The following TRPM3 variants were observed in gnomAD, a reference collection of about 807,000 sequenced individuals.
TRPM3 encodes transient receptor potential cation channel subfamily M member 3, also known as long transient receptor potential channel 3.
A neutral mutation model predicts 181.2 loss-of-function variants in TRPM3; 77 were observed. The ratio of observed to expected loss-of-function variants is 0.42; its 90% CI spans 0.35 to 0.51. The LOEUF (loss-of-function observed/expected upper bound fraction) is 0.51. TRPM3 is among the 20% of genes least tolerant of loss of function. The pLI, the probability that TRPM3 is intolerant of heterozygous loss-of-function variation, is 0.01. For missense variants in TRPM3, 1,759 were observed against 2,196.7 expected (o/e 0.80, Z 3.98); for synonymous variants, 745 against 796.4 (o/e 0.94, Z 1.09).
At chr9:70,669,503 T>G (rs2062502031) in intron 9 of TRPM3, among the ~76,000 whole-genome samples, 1 of 152,108 alleles carries the variant, frequency 6.6e-6, no homozygotes, top group South Asian at 2.1e-4. Context: ...TTACTACCTA[T>G]ATTAAAGAAG....
intron 7 of TRPM3, among the ~76,000 whole-genome samples, chr9:70,766,013 G>A (rs998743601): frequency 6.6e-6 from 1 of 152,098 alleles, no homozygotes; most frequent in Non-Finnish European, 1.5e-5. Context: ...CTGTTAATTT[G>A]TGGCTTTGTA....
At chr9:70,932,970 A>G (rs2096789948) in intron 1 of TRPM3, among the ~76,000 whole-genome samples, 1 of 152,140 alleles carries the variant, frequency 6.6e-6, no homozygotes, top group Non-Finnish European at 1.5e-5. Flanking sequence ...TTTGAGATAT[A>G]TTTTAGAGGT....
intron 1 of TRPM3, among the ~76,000 whole-genome samples, chr9:70,908,901 C>G (rs2096503219): frequency 6.6e-6 from 1 of 152,144 alleles, no homozygotes; most frequent in African/African-American, 2.4e-5. Context: ...GCTGTGTCAA[C>G]TGAATATTCA....
intron 1 of TRPM3, among the ~76,000 whole-genome samples, chr9:71,008,041 A>T (rs968515155): frequency 1.3e-5 from 2 of 152,062 alleles, no homozygotes; most frequent in Non-Finnish European, 1.5e-5. Flanking sequence ...ATACTAAGAA[A>T]ATAAGAAAGA....
intron 6 of TRPM3, among the ~76,000 whole-genome samples, chr9:70,811,894 C>T (rs965528083): frequency 6.6e-6 from 1 of 152,176 alleles, no homozygotes. Flanking sequence ...CTTTCTCTCT[C>T]TGGCCAAGGT....
At chr9:71,196,752 G>A (rs973056690) in intron 1 of TRPM3, among the ~76,000 whole-genome samples, 12 of 152,070 alleles carry the variant, frequency 7.9e-5, no homozygotes, top group Admixed American at 1.3e-4. Context: ...ACTTACATGT[G>A]TTTCAAAGAA....
At chr9:71,124,892 G>A (rs1333397838), upstream of TRPM3, among the ~76,000 whole-genome samples, 3 of 152,198 alleles carry the variant, frequency 2.0e-5, no homozygotes, top group Non-Finnish European at 2.9e-5. Context: ...TGTGTTTTCT[G>A]CAAACAACAC....
At chr9:71,379,246 T>C (rs533642220) in intron 1 of TRPM3, among the ~76,000 whole-genome samples, 1 of 152,200 alleles carries the variant, frequency 6.6e-6, no homozygotes, top group South Asian at 2.1e-4. Flanking sequence ...ACTGTCCAAG[T>C]AGGTCTTCTG....
intron 1 of TRPM3, among the ~76,000 whole-genome samples, chr9:71,239,461 C>T (rs912906086): frequency 2.6e-5 from 4 of 152,122 alleles, no homozygotes; most frequent in East Asian, 1.9e-4. Flanking sequence ...ACTCTCTCTG[C>T]CTGCTCCAAG....
At chr9:71,159,771 T>C (rs1243019229) in intron 1 of TRPM3, among the ~76,000 whole-genome samples, 1 of 152,182 alleles carries the variant, frequency 6.6e-6, no homozygotes, top group African/African-American at 2.4e-5. Flanking sequence ...CATCTATATT[T>C]CAGAGATTTA....
intron 1 of TRPM3, among the ~76,000 whole-genome samples, chr9:70,950,727 A>G (rs1229648920): frequency 6.6e-6 from 1 of 152,070 alleles, no homozygotes; most frequent in Non-Finnish European, 1.5e-5. Flanking sequence ...AGCCAAAAAG[A>G]CCTGCTAAAT....
At chr9:70,749,581 A>C (rs1482649555) in intron 8 of TRPM3, among the ~76,000 whole-genome samples, 1 of 152,220 alleles carries the variant, frequency 6.6e-6, no homozygotes, top group Non-Finnish European at 1.5e-5. Context: ...CATCCTGCTT[A>C]TTAAAATTGT....
At chr9:71,112,755 A>C (rs1450883051) in intron 1 of TRPM3, among the ~76,000 whole-genome samples, 1 of 152,332 alleles carries the variant, frequency 6.6e-6, no homozygotes, top group South Asian at 2.1e-4. Flanking sequence ...ACATGCTAAA[A>C]GTAAAGCTAG....
chr9:70,544,819 CA>C (rs551025142), intron 25 of TRPM3, among the ~76,000 whole-genome samples: 5 of 151,998 alleles, frequency 3.3e-5, no homozygotes, highest in Non-Finnish European at 5.9e-5. Context: ...AAACATTTCA[CA>C]AGAAGAAGTT....
At chr9:70,898,593 C>T (rs959917281) in intron 1 of TRPM3, among the ~76,000 whole-genome samples, 1 of 149,592 alleles carries the variant, frequency 6.7e-6, no homozygotes, top group African/African-American at 2.4e-5. Flanking sequence ...ACTAAAAATA[C>T]AAAAATTAGC....
rs955201799 is a variant in TRPM3, at chr9:70,849,009, C to T, written c.463-2418G>A. ...AAAAAAAAAAAAAAAAAAGAAATTA[C>T]CTGTCAGTCTAGAATTCTACATTCA... On this transcript the variant is annotated intron_variant, in intron 3 of 25. Transcript: ENST00000677713. Among the ~76,000 whole-genome samples the T allele has an allele frequency of 2.0e-5, 3 of 149,222 alleles. 1 individual carries two copies. Among genetic ancestry groups the T allele is most frequent in the Non-Finnish European group, 3.0e-5 (2 of 67,422 alleles).
intron 6 of TRPM3, among the ~76,000 whole-genome samples, chr9:70,812,818 G>T (rs1436204914): frequency 6.6e-6 from 1 of 152,170 alleles, no homozygotes; most frequent in African/African-American, 2.4e-5. Context: ...ATACTTTAGT[G>T]AAGGTCAAGT....
At chr9:70,757,915 G>A (rs140457067) in intron 8 of TRPM3, among the ~76,000 whole-genome samples, 2,531 of 152,216 alleles carry the variant, frequency 0.017, 54 homozygotes, top group East Asian at 0.051. Context: ...TTTGAGAACT[G>A]GCACAAGACA....
At chr9:70,610,518 G>A (rs939723664) in intron 19 of TRPM3, 91 bp downstream of exon 19, 22 of 1,466,476 alleles carry the variant, frequency 1.5e-5, no homozygotes, top group African/African-American at 7.0e-5. Flanking sequence ...TGGCACTTAC[G>A]ACTTGCAGAG....
Sources: allele counts gnomAD v4.1 joint callset (sites outside exome capture counted in the v4.1 genomes callset), GRCh38; gene constraint gnomAD v4.1.1; transcripts MANE v1.5; gene names NCBI Gene and HGNC (gene_info 2026-07-23, HGNC 2026-07-21).